The following SRP19 variants were observed in gnomAD, a reference collection of about 807,000 sequenced individuals.
The protein encoded by SRP19 is signal recognition particle 19 kDa protein.
SRP19 carries 11 observed loss-of-function variants against 22.4 expected under a neutral mutation model. The observed-to-expected ratio is 0.49, with a 90% CI of 0.31 to 0.81. The LOEUF is 0.81. SRP19 is among the 40% of genes least tolerant of loss of function. The pLI, the probability that SRP19 is intolerant of heterozygous loss-of-function variation, is 0.05. For missense variants in SRP19, 168 were observed against 175.9 expected, an observed-to-expected ratio of 0.96 and a Z score of 0.25; for synonymous variants, 61 against 57.6, an observed-to-expected ratio of 1.06 and a Z score of -0.27.
At position 112,867,370 on chromosome 5, in the gene SRP19, A is replaced by C. The variant is rs1406876273; in HGVS notation, c.302-34A>C. 3.2e-6 allele frequency: 5 copies of C among 1,584,046 alleles called. No individual in the cohort carries two copies. The Admixed American group carries it at 9.0e-5, about 28-fold the overall frequency. On this transcript the variant is annotated intron_variant, in intron 4 of 4. Transcript: ENST00000505459. ...GATGACTTTTTATGTCTTATTTCTC[A>C]GATTATACACTAAGCCTAACTTCTG...
intron 4 of SRP19, among the ~76,000 whole-genome samples, chr5:112,867,019 G>A (rs1378555868): frequency 6.6e-6 from 1 of 151,976 alleles, no homozygotes. Flanking sequence ...CTGTTTTTTT[G>A]TTGTAAGACT....
intron 4 of SRP19, among the ~76,000 whole-genome samples, chr5:112,890,269 G>A (rs1246166482): frequency 6.7e-6 from 1 of 150,296 alleles, no homozygotes; most frequent in Non-Finnish European, 1.5e-5. Context: ...CAGGCTTGGT[G>A]AGACAGCAAG....
chr5:112,872,106 C>T (rs1429325860), downstream of SRP19, among the ~76,000 whole-genome samples: 1 of 152,148 alleles, frequency 6.6e-6, no homozygotes, highest in Non-Finnish European at 1.5e-5. Flanking sequence ...TGCATATTTC[C>T]TATCTTCCTA....
exon 5 of SRP19, chr5:112,892,426 G>A (rs1436054850): frequency 1.2e-6 from 2 of 1,614,078 alleles, no homozygotes; most frequent in South Asian, 2.2e-5. Context: ...TCAGTTCAAG[G>A]TCAGCTGCAA....
chr5:112,865,587 G>A (rs463229), intron 4 of SRP19, among the ~76,000 whole-genome samples: 100,198 of 151,596 alleles, frequency 0.66, 33,207 homozygotes, highest in East Asian at 0.82. Flanking sequence ...ATCGTCAGAC[G>A]AACTGACAGC....
chr5:112,884,387 A>AT (rs1328520628), intron 4 of SRP19, among the ~76,000 whole-genome samples: 5,779 of 129,850 alleles, frequency 0.045, 166 homozygotes, highest in African/African-American at 0.099. Flanking sequence ...ACCATTTTCT[A>AT]TTTTTTTTTT....
chr5:112,874,442 AG>A (rs1287676264), downstream of SRP19, among the ~76,000 whole-genome samples: 1 of 152,192 alleles, frequency 6.6e-6, no homozygotes, highest in Non-Finnish European at 1.5e-5. Context: ...GAGTTGTTAA[AG>A]CATACTGGCA....
intron 4 of SRP19, among the ~76,000 whole-genome samples, chr5:112,875,703 A>G (rs1767878135): frequency 6.6e-6 from 1 of 151,954 alleles, no homozygotes; most frequent in South Asian, 2.1e-4. Context: ...CCTTTTCTTG[A>G]TCTCTTCTGA....
rs371091680 is a variant in SRP19 at position 112,867,555 on chromosome 5, G to A, written c.*18G>A. The A allele has an allele frequency of 6.3e-7, 1 of 1,597,664 alleles. No individual in the cohort carries two copies. The highest frequency in any genetic ancestry group is 8.5e-7 in the Non-Finnish European group (1 of 1,171,754). ...AGAAGTAACCTAGTATCAGCATCAAGTATGTGGTACTACTGTAAGAGACAT... is the reference window on the plus strand; with the variant it reads ...AGAAGTAACCTAGTATCAGCATCAAATATGTGGTACTACTGTAAGAGACAT... On this transcript the variant is annotated 3_prime_UTR_variant, in exon 5 of 5. Coordinates refer to ENST00000505459, the MANE Select transcript of SRP19 (RefSeq NM_003135.3).
At chr5:112,881,127 T>G (rs1163530604) in intron 4 of SRP19, among the ~76,000 whole-genome samples, 1 of 21,644 alleles carries the variant, frequency 4.6e-5, no homozygotes. Context: ...AGACTCTGTT[T>G]CAAAAAAAAA....
At chr5:112,887,179 C>T in intron 4 of SRP19, 4 of 1,587,544 alleles carry the variant, frequency 2.5e-6, no homozygotes, top group Non-Finnish European at 3.4e-6. Context: ...CAACAGGAAG[C>T]CACACTGCAC....
exon 5 of SRP19, chr5:112,892,453 A>T: frequency 6.2e-7 from 1 of 1,614,118 alleles, no homozygotes; most frequent in Non-Finnish European, 8.5e-7. Context: ...ACCTCACCTG[A>T]GGGGCAATGT....
In SRP19 at chr5:112,861,389, G is replaced by C; in HGVS notation, c.13G>C (p.Ala5Pro). 6.2e-7 allele frequency: 1 copy of C among 1,614,146 alleles called. No individual in the cohort carries two copies. Among genetic ancestry groups the C allele is most frequent in the Non-Finnish European group, 8.5e-7 (1 of 1,180,036 alleles). Residue 5 changes from alanine to proline, a missense_variant, in exon 1 of 5, where the codon GCC becomes CCC. Ala to Pro is a conservative substitution (Grantham distance 27, BLOSUM62 -1). Coordinates refer to ENST00000505459, the MANE Select transcript of SRP19 (RefSeq NM_003135.3). MACAAARSPADQDRF... is the reference protein window; with the variant it reads MACAPARSPADQDRF... ...GACTCTTGTGAAGATGGCTTGCGCT[G>C]CCGCGCGGTCCCCGGCCGACCAGGA...
intron 4 of SRP19, among the ~76,000 whole-genome samples, chr5:112,883,323 C>A (rs905859596): frequency 2.0e-5 from 3 of 152,120 alleles, no homozygotes; most frequent in Non-Finnish European, 2.9e-5. Flanking sequence ...ATCACTAGTA[C>A]CTTCCTCATT....
Position 112,861,332 on chromosome 5 carries a change from CG to C in SRP19, c.-42del. ...AGCCGGGTTCCTCCCGGGTTTCTGC[CG>C]GGTTTCTCCCTGCGGCTCCTGGGTT... On this transcript the variant is annotated 5_prime_UTR_variant, in exon 1 of 5. Coordinates refer to ENST00000505459, the MANE Select transcript of SRP19 (RefSeq NM_003135.3). 1.2e-6 allele frequency: 2 copies of C among 1,612,788 alleles called. No individual in the cohort carries two copies. The highest frequency in any genetic ancestry group is 1.7e-6 in the Non-Finnish European group (2 of 1,178,874).
intron 1 of SRP19, 42 bp from the exon 2 acceptor site, chr5:112,862,466 T>C: frequency 6.3e-7 from 1 of 1,582,912 alleles, no homozygotes; most frequent in Non-Finnish European, 8.7e-7. Flanking sequence ...CTCCTGCCTC[T>C]TACTGCTCTA....
intron 4 of SRP19, among the ~76,000 whole-genome samples, chr5:112,875,703 A>T (rs1767878135): frequency 6.6e-6 from 1 of 151,954 alleles, no homozygotes; most frequent in Admixed American, 6.6e-5. Flanking sequence ...CCTTTTCTTG[A>T]TCTCTTCTGA....
At chr5:112,878,905 T>C in intron 4 of SRP19, 1 of 1,611,300 alleles carries the variant, frequency 6.2e-7, no homozygotes, top group Admixed American at 1.7e-5. Flanking sequence ...CTTGCAAGCT[T>C]TGTGCCTAAT....
chr5:112,875,709 T>C (rs1767878205), intron 4 of SRP19, among the ~76,000 whole-genome samples: 1 of 152,026 alleles, frequency 6.6e-6, no homozygotes, highest in South Asian at 2.1e-4. Flanking sequence ...CTTGATCTCT[T>C]CTGAAAACAA....
Sources: allele counts gnomAD v4.1 joint callset (sites outside exome capture counted in the v4.1 genomes callset), GRCh38; gene constraint gnomAD v4.1.1; transcripts MANE v1.5; gene names NCBI Gene and HGNC (gene_info 2026-07-23, HGNC 2026-07-21).